The following CSPP1 variants were observed in gnomAD, a reference collection of about 807,000 sequenced individuals.
The protein encoded by CSPP1 is centrosome and spindle pole-associated protein 1.
Under a neutral mutation model 164.4 loss-of-function variants are expected in CSPP1, and 126 were observed. The observed-to-expected ratio is 0.77, with a 90% confidence interval of 0.66 to 0.89. The LOEUF (loss-of-function observed/expected upper bound fraction) is 0.89, where lower values mean the gene tolerates loss of function less well. Ranked by LOEUF, CSPP1 falls within the 40% of genes least tolerant of loss-of-function variation. CSPP1 has a pLI of 0.00. For synonymous variants in CSPP1, 472 were observed against 476.7 expected, an observed-to-expected ratio of 0.99 and a Z score of 0.13; for missense variants, 1,395 against 1,449.8, an observed-to-expected ratio of 0.96 and a Z score of 0.61.
At chr8:67,159,908 CTTTCTTTCTTTCTTT>C (rs1827649087) in intron 21 of CSPP1, among the ~76,000 whole-genome samples, 1 of 66,138 alleles carries the variant, frequency 1.5e-5, no homozygotes, top group Non-Finnish European at 2.8e-5. Context: ...TTCTTTCTTT[CTTTCTTTCTTTCTTT>C]CCTTTCCTTC....
intron 24 of CSPP1, among the ~76,000 whole-genome samples, chr8:67,169,553 C>T (rs553650958): frequency 5.3e-5 from 8 of 152,140 alleles, no homozygotes; most frequent in Non-Finnish European, 7.3e-5. Context: ...GTTTCTCCTG[C>T]CTCAGCCTCC....
At chr8:67,116,575 T>C (rs1370990138) in intron 13 of CSPP1, among the ~76,000 whole-genome samples, 1 of 152,194 alleles carries the variant, frequency 6.6e-6, no homozygotes, top group Non-Finnish European at 1.5e-5. Flanking sequence ...TGATTACTTA[T>C]GGGCTGTGTA....
intron 12 of CSPP1, chr8:67,114,984 G>A (rs1042628296): frequency 3.3e-5 from 5 of 152,250 alleles, no homozygotes; most frequent in African/African-American, 9.6e-5. Flanking sequence ...GATTAGCAAA[G>A]TGTGGCCTGT....
intron 15 of CSPP1, among the ~76,000 whole-genome samples, chr8:67,127,265 A>G (rs747170197): frequency 1.3e-5 from 2 of 152,164 alleles, no homozygotes; most frequent in Non-Finnish European, 2.9e-5. Flanking sequence ...GGCTTAAACA[A>G]CAGACATTTT....
intron 4 of CSPP1, among the ~76,000 whole-genome samples, chr8:67,087,029 C>T (rs2129543724): frequency 6.6e-6 from 1 of 151,974 alleles, no homozygotes; most frequent in East Asian, 1.9e-4. Flanking sequence ...CAGATGACAG[C>T]ATACACATTA....
At chr8:67,193,129 C>CTTTTT (rs995747695) in intron 29 of CSPP1, among the ~76,000 whole-genome samples, 1 of 151,258 alleles carries the variant, frequency 6.6e-6, no homozygotes, top group African/African-American at 2.4e-5. Flanking sequence ...TGGTTTTTTT[C>CTTTTT]TTTTTTTTTG....
intron 24 of CSPP1, among the ~76,000 whole-genome samples, chr8:67,165,507 A>T (rs1829153809): frequency 6.6e-6 from 1 of 152,088 alleles, no homozygotes; most frequent in African/African-American, 2.4e-5. Context: ...CATTGCATTT[A>T]GTTGTCATGT....
intron 28 of CSPP1, among the ~76,000 whole-genome samples, chr8:67,188,374 CTCAGCTCACACCCAACCAA>C (rs1040907303): frequency 1.3e-5 from 2 of 152,180 alleles, no homozygotes; most frequent in African/African-American, 4.8e-5. Context: ...GGGCTTGTAA[CTCAGCTCACACCCAACCAA>C]TCAGGTAGTA....
intron 4 of CSPP1, among the ~76,000 whole-genome samples, chr8:67,090,561 G>C (rs147323584): frequency 2.2e-4 from 34 of 152,258 alleles, no homozygotes; most frequent in African/African-American, 7.2e-4. Context: ...TAGGATTACA[G>C]GTATGAGCCA....
At chr8:67,087,553 G>A (rs982472320) in intron 4 of CSPP1, among the ~76,000 whole-genome samples, 1 of 152,162 alleles carries the variant, frequency 6.6e-6, no homozygotes, top group Non-Finnish European at 1.5e-5. Context: ...TCTAGATTTG[G>A]GTGATCTGGA....
At chr8:67,147,397 C>T (rs1170595670) in intron 17 of CSPP1, among the ~76,000 whole-genome samples, 1 of 152,086 alleles carries the variant, frequency 6.6e-6, no homozygotes, top group Non-Finnish European at 1.5e-5. Context: ...TTCTTTCTAC[C>T]TCTGAACATG....
intron 12 of CSPP1, chr8:67,115,329 G>A (rs1817709893): frequency 6.6e-6 from 1 of 152,316 alleles, no homozygotes; most frequent in African/African-American, 2.4e-5. Flanking sequence ...TGAGACCTTA[G>A]GTGATATATT....
At chr8:67,118,952 A>G in intron 15 of CSPP1, 131 bp downstream of exon 15, 1 of 642,434 alleles carries the variant, frequency 1.6e-6, no homozygotes, top group Non-Finnish European at 2.8e-6. Flanking sequence ...ATAATGTGCA[A>G]CCATCACCAC....
chr8:67,086,704 T>A (rs2129543665), intron 4 of CSPP1: 1 of 437,784 alleles, frequency 2.3e-6, no homozygotes, highest in South Asian at 1.9e-5. Context: ...TATTCTTTAG[T>A]TTTTTACTGC....
intron 28 of CSPP1, among the ~76,000 whole-genome samples, chr8:67,186,442 G>C (rs1361957064): frequency 7.0e-6 from 1 of 143,652 alleles, no homozygotes; most frequent in African/African-American, 2.6e-5. Context: ...AAAAGTCCAA[G>C]AATACCATGA....
chr8:67,137,474 A>T lies in CSPP1; in HGVS notation c.1846A>T (p.Arg616Ter). The T allele has an allele frequency of 6.5e-7, 1 of 1,533,998 alleles. No individual in the cohort carries two copies. The highest frequency in any genetic ancestry group is 8.9e-7 in the Non-Finnish European group (1 of 1,126,290). ...LQQQIREREE[R>*]RKKEREEKEE... ...TGTCAAGATTCGGGAAAGAGAAGAA[A>T]GAAGGAAGAAAGAACGTGAAGAAAA... is the stretch of plus-strand genomic sequence containing the variant. The change falls in exon 17 of 31, where the codon AGA becomes TGA. Residue 616 changes from arginine (R) to a stop codon, truncating the protein, a stop_gained. Coordinates refer to ENST00000678616, the MANE Select transcript of CSPP1 (RefSeq NM_001382391.1). LOFTEE classifies it high-confidence loss of function.
chr8:67,160,038 T>TTTTCTTTC (rs1828003637), intron 21 of CSPP1, among the ~76,000 whole-genome samples: 4 of 96,796 alleles, frequency 4.1e-5, no homozygotes, highest in Admixed American at 2.3e-4. Context: ...TTTCTTTTTC[T>TTTTCTTTC]TTTTCTTTTT....
At position 67,095,538 on chromosome 8, in the gene CSPP1, C is replaced by A; in HGVS notation, c.729C>A (p.Asn243Lys). 6.2e-7 allele frequency: 1 copy of A among 1,613,478 alleles called. No homozygotes were observed. The highest frequency in any genetic ancestry group is 8.5e-7 in the Non-Finnish European group (1 of 1,179,918). ...CAAATGAAGAAGTGGGCATTTCCAA[C>A]CTAAAACATCAAAGGTTTGCAAGCA... Reference protein sequence around the residue: ...KKANEEVGISNLKHQRFASKA... With the variant: ...KKANEEVGISKLKHQRFASKA... Residue 243 changes from asparagine to lysine, a missense_variant, in exon 7 of 31, where the codon AAC (asparagine) becomes AAA (lysine). Transcript: ENST00000678616.
intron 9 of CSPP1, among the ~76,000 whole-genome samples, chr8:67,109,393 G>A (rs1816343409): frequency 1.3e-5 from 2 of 152,148 alleles, no homozygotes; most frequent in South Asian, 4.1e-4. Context: ...CTTCTTCTAA[G>A]GGCTTTCACC....
Sources: allele counts gnomAD v4.1 joint callset (sites outside exome capture counted in the v4.1 genomes callset), GRCh38; gene constraint gnomAD v4.1.1; transcripts MANE v1.5; gene names NCBI Gene and HGNC (gene_info 2026-07-23, HGNC 2026-07-21).